ATXN10: variants seen among roughly 807,000 people sequenced by gnomAD.
ATXN10 encodes the protein ataxin 10.
ATXN10 carries 28 observed loss-of-function variants against 52.9 expected under a neutral mutation model. That is an observed-to-expected ratio of 0.53 (90% confidence interval 0.39 to 0.73). The LOEUF is 0.73. ATXN10 is among the 30% of genes least tolerant of loss of function. The pLI is 0.00. For synonymous variants in ATXN10, 226 were observed against 221.5 expected (o/e 1.02, Z -0.18); for missense variants, 565 against 577.0 (o/e 0.98, Z 0.21).
intron 1 of ATXN10, among the ~76,000 whole-genome samples, chr22:45,689,195 T>G (rs1005429505): frequency 6.6e-6 from 1 of 152,232 alleles, no homozygotes; most frequent in East Asian, 1.9e-4. Context: ...TATTGTTTCT[T>G]ATAACTGAAC....
chr22:45,763,569 G>A lies in ATXN10; in HGVS notation c.1173+23031G>A, dbSNP rs1926474862. On this transcript the variant is annotated intron_variant, in intron 9 of 11. Transcript: ENST00000252934. The surrounding 1 kb of genome is among the most constrained non-coding windows in gnomAD (Gnocchi z 6.9). ...CTTTCCTGCCCCCTACCTGTTAAAA[G>A]TCGGACCCCACCACGCCCCCCACCT... 6.6e-6 allele frequency among the ~76,000 whole-genome samples: 1 copy of A among 152,034 alleles called. No homozygotes were observed. The highest frequency in any genetic ancestry group is 2.4e-5 in the African/African-American group (1 of 41,384).
rs1373306245 is a variant in ATXN10, at chr22:45,843,297, A to G, written c.1425+119A>G. The G allele has an allele frequency of 8.5e-6, 10 of 1,173,430 alleles. No individual in the cohort carries two copies. Among genetic ancestry groups the G allele is most frequent in the African/African-American group, 6.1e-5 (4 of 65,544 alleles). The allele number at this position is 1,173,430 out of a possible 1,614,324, so 72.7% of individuals were successfully genotyped here. The stretch of plus-strand genomic sequence containing the variant: ...TATGGATGGGAGAATTGTGCCCTCT[A>G]TAGTGGTTTACCGAGGAAAGCCCTA... On this transcript the variant is annotated intron_variant, in intron 11 of 11. Transcript: ENST00000252934. The surrounding 1 kb of genome is among the most constrained non-coding windows in gnomAD (Gnocchi z 4.5).
rs910554492 is a variant in ATXN10 at position 45,733,721 on chromosome 22, A to G, written c.894+4131A>G. On this transcript the variant is annotated intron_variant, in intron 7 of 11. Coordinates refer to ENST00000252934, the MANE Select transcript of ATXN10 (RefSeq NM_013236.4). The surrounding 1 kb of genome is among the most constrained non-coding windows in gnomAD (Gnocchi z 4.4). ...CTGTGAACTGAGATTGTGCCATTGC[A>G]CTTCAGCCTGGGCGACAGAGCAAGA... Among the ~76,000 whole-genome samples the G allele has an allele frequency of 6.6e-6, 1 of 151,694 alleles. No individual in the cohort carries two copies. The highest frequency in any genetic ancestry group is 1.5e-5 in the Non-Finnish European group (1 of 67,964).
chr22:45,746,490 G>A (rs1041241196), intron 9 of ATXN10, among the ~76,000 whole-genome samples: 2 of 151,946 alleles, frequency 1.3e-5, no homozygotes, highest in African/African-American at 2.4e-5. Flanking sequence ...TCAGTTACTC[G>A]GATAATTGAT....
At chr22:45,812,318 C>T (rs1928307849) in intron 10 of ATXN10, among the ~76,000 whole-genome samples, 1 of 152,132 alleles carries the variant, frequency 6.6e-6, no homozygotes, top group African/African-American at 2.4e-5. Context: ...TGTTTCACCT[C>T]AATATAAATA....
At position 45,781,460 on chromosome 22, in the gene ATXN10, T is replaced by A. The variant is rs756196647; in HGVS notation, c.1174-25499T>A. ...CCACAACCTGGCAGTAGTGAGCTGC[T>A]CTGCCTTCCACGTGCTGTTGTTGAA... On this transcript the variant is annotated intron_variant, in intron 9 of 11. Coordinates refer to ENST00000252934, the MANE Select transcript of ATXN10 (RefSeq NM_013236.4). This position sits in a 1 kb window ranked among gnomAD's most constrained non-coding sequence, Gnocchi z 4.2. 6.6e-6 allele frequency among the ~76,000 whole-genome samples: 1 copy of A among 152,228 alleles called. No homozygotes were observed. The highest frequency in any genetic ancestry group is 2.1e-4 in the South Asian group (1 of 4,836).
intron 1 of ATXN10, among the ~76,000 whole-genome samples, chr22:45,686,293 C>G (rs1339319654): frequency 6.6e-6 from 1 of 152,146 alleles, no homozygotes; most frequent in Non-Finnish European, 1.5e-5. Context: ...AAAACTTGAA[C>G]AAATTCAATT....
chr22:45,747,764 ACCT>A (rs1382885834), intron 9 of ATXN10, among the ~76,000 whole-genome samples: 1 of 151,918 alleles, frequency 6.6e-6, no homozygotes, highest in Non-Finnish European at 1.5e-5. Context: ...GGGCAGTTAC[ACCT>A]CCTTGTGGGG....
At chr22:45,767,454 C>T (rs537902128) in intron 9 of ATXN10, among the ~76,000 whole-genome samples, 11 of 151,172 alleles carry the variant, frequency 7.3e-5, no homozygotes, top group African/African-American at 2.7e-4. Context: ...CACACACACA[C>T]CACACATTTT....
At chr22:45,703,336 C>G (rs537349028) in intron 5 of ATXN10, among the ~76,000 whole-genome samples, 3 of 152,070 alleles carry the variant, frequency 2.0e-5, no homozygotes, top group Admixed American at 6.5e-5. Flanking sequence ...TTTTCTTTGT[C>G]TTTTCAGAGG....
intron 5 of ATXN10, among the ~76,000 whole-genome samples, chr22:45,706,184 C>CT (rs1208364645): frequency 5.9e-5 from 9 of 152,170 alleles, no homozygotes. Context: ...TCTAGGCTGT[C>CT]TAATTTGTTG....
intron 4 of ATXN10, 91 bp from the exon 5 acceptor site, chr22:45,702,598 A>G (rs2146754658): frequency 3.5e-6 from 4 of 1,157,832 alleles, no homozygotes; most frequent in East Asian, 4.7e-5. Context: ...AAGTATTAGC[A>G]TGTAGTGAAT....
At chr22:45,702,884 ATCC>A in intron 5 of ATXN10, 37 bp downstream of exon 5, 1 of 1,611,774 alleles carries the variant, frequency 6.2e-7, no homozygotes, top group Non-Finnish European at 8.5e-7. Flanking sequence ...GCTTTGGGGC[ATCC>A]TGACAGATCA....
intron 9 of ATXN10, among the ~76,000 whole-genome samples, chr22:45,800,704 CAT>C (rs1182742452): frequency 5.4e-4 from 82 of 152,204 alleles, no homozygotes; most frequent in African/African-American, 1.2e-4. Flanking sequence ...GCCATCAACA[CAT>C]GAGTGGATAA....
At chr22:45,839,999 C>T (rs1569085058) in intron 10 of ATXN10, among the ~76,000 whole-genome samples, 1 of 152,212 alleles carries the variant, frequency 6.6e-6, no homozygotes, top group Non-Finnish European at 1.5e-5. Context: ...AGGGACAGAG[C>T]ACAGAGAAGT....
At chr22:45,719,306 T>C (rs1924562248) in intron 6 of ATXN10, among the ~76,000 whole-genome samples, 1 of 152,198 alleles carries the variant, frequency 6.6e-6, no homozygotes, top group South Asian at 2.1e-4. Flanking sequence ...TTGGACTTTT[T>C]ACTTTGTATT....
rs557080645 is a variant in ATXN10, at chr22:45,818,302, G to C, written c.1237+11280G>C. Among the ~76,000 whole-genome samples the C allele has an allele frequency of 6.6e-6, 1 of 152,288 alleles. No homozygotes were observed. Among genetic ancestry groups the C allele is most frequent in the South Asian group, 2.1e-4 (1 of 4,828 alleles). On this transcript the variant is annotated intron_variant, in intron 10 of 11. Transcript: ENST00000252934. This position sits in a 1 kb window ranked among gnomAD's most constrained non-coding sequence, Gnocchi z 4.6. The stretch of plus-strand genomic sequence containing the variant: ...ACAGTTATGCACTTGTGTGTCTTTA[G>C]AGCCATGGTCACTGCGTCCCTCTCT...
chr22:45,700,493 T>C, intron 4 of ATXN10, 115 bp downstream of exon 4: 1 of 825,278 alleles, frequency 1.2e-6, no homozygotes, highest in Non-Finnish European at 2.0e-6. Flanking sequence ...GAGTTCAGGA[T>C]AGTAGTTGTT....
At chr22:45,738,534 T>A in intron 7 of ATXN10, 197 bp from the exon 8 acceptor site, 2 of 554,198 alleles carry the variant, frequency 3.6e-6, no homozygotes, top group Non-Finnish European at 6.4e-6. Flanking sequence ...AGATGTCTGC[T>A]GTTAGTGAAA....
Sources: allele counts gnomAD v4.1 joint callset (sites outside exome capture counted in the v4.1 genomes callset), GRCh38; gene constraint gnomAD v4.1.1; non-coding constraint Gnocchi (gnomAD v3.1); transcripts MANE v1.5; gene names NCBI Gene and HGNC (gene_info 2026-07-23, HGNC 2026-07-21).